NCBP1: variants seen among roughly 807,000 people sequenced by gnomAD.
NCBP1 encodes the protein nuclear cap-binding protein subunit 1.
A neutral mutation model predicts 111.7 loss-of-function variants in NCBP1; 16 were observed. The observed-to-expected ratio is 0.14, with a 90% confidence interval of 0.10 to 0.22. NCBP1 has a LOEUF of 0.22. NCBP1 is among the 10% of genes least tolerant of loss of function. The pLI is 1.00. For missense variants in NCBP1, 607 were observed against 957.5 expected (o/e 0.63, Z 4.83); for synonymous variants, 304 against 314.3 (o/e 0.97, Z 0.35).
chr9:97,657,961 A>T (rs1389044526), intron 14 of NCBP1, among the ~76,000 whole-genome samples: 2 of 131,418 alleles, frequency 1.5e-5, no homozygotes, highest in East Asian at 4.4e-4. Context: ...CCAGCCATTC[A>T]TTGAGCATTC....
chr9:97,634,026 G>T, intron 1 of NCBP1, 111 bp downstream of exon 1: 1 of 1,308,844 alleles, frequency 7.6e-7, no homozygotes, highest in South Asian at 1.5e-5. Flanking sequence ...GGAACGTGCG[G>T]GGAGCCGCGG....
intron 15 of NCBP1, among the ~76,000 whole-genome samples, chr9:97,659,984 A>C (rs758906668): frequency 5.3e-5 from 8 of 152,122 alleles, no homozygotes; most frequent in Non-Finnish European, 7.4e-5. Flanking sequence ...TTCTAGCTCC[A>C]CTTCCTTTTC....
At position 97,672,809 on chromosome 9, in the gene NCBP1, A is replaced by C. The variant is rs1004940647; in HGVS notation, c.*1610A>C. Reference sequence around the variant, plus strand: ...AAATATATTTTTTTCTTATGATTTTATTTTCTTTTCTCTAGCTTCATAAGA... The same window carrying C: ...AAATATATTTTTTTCTTATGATTTTCTTTTCTTTTCTCTAGCTTCATAAGA... On this transcript the variant is annotated 3_prime_UTR_variant, in exon 23 of 23. Transcript: ENST00000375147. 2.3e-4 allele frequency: 34 copies of C among 145,370 alleles called. No individual in the cohort carries two copies. The South Asian group carries it at 5.8e-3, about 25-fold the overall frequency. The allele number at this position is 145,370 out of a possible 1,614,324, so 9.0% of individuals were successfully genotyped here.
chr9:97,642,062 C>T (rs542749616), intron 3 of NCBP1, among the ~76,000 whole-genome samples: 2 of 152,046 alleles, frequency 1.3e-5, no homozygotes, highest in South Asian at 4.1e-4. Flanking sequence ...CTTTGGAAGC[C>T]ACTGTTAATA....
chr9:97,661,957 G>A lies in NCBP1; in HGVS notation c.1601-85G>A, dbSNP rs557488353. On this transcript the variant is annotated intron_variant, in intron 16 of 22. Transcript: ENST00000375147. Reference sequence around the variant, plus strand: ...CACAAATATCTGTGTATAGATGTGAGCAACCATCTATTTAGCATTTGAGGT... The same window carrying A: ...CACAAATATCTGTGTATAGATGTGAACAACCATCTATTTAGCATTTGAGGT... 4.5e-6 allele frequency: 4 copies of A among 889,762 alleles called. No individual in the cohort carries two copies. The African/African-American group carries it at 5.0e-5, about 11-fold the overall frequency. The allele number at this position is 889,762 out of a possible 1,614,324, so 55.1% of individuals were successfully genotyped here.
rs1166297551 is a variant in NCBP1 at position 97,664,344 on chromosome 9, T to C, written c.1802T>C (p.Ile601Thr). ...FEVWRNHPQM[I>T]AVLVDKMIRT... Reference sequence around the variant, plus strand: ...TGAATAATTCTCTCATTGTAGATGATTGCTGTACTAGTGGATAAGATGATT... The same window carrying C: ...TGAATAATTCTCTCATTGTAGATGACTGCTGTACTAGTGGATAAGATGATT... Residue 601 changes from isoleucine (I) to threonine (T), a missense_variant, in exon 19 of 23, where the codon ATT becomes ACT. Coordinates refer to ENST00000375147, the MANE Select transcript of NCBP1 (RefSeq NM_002486.5). The C allele has an allele frequency of 8.8e-6, 14 of 1,599,882 alleles. No individual in the cohort carries two copies. Among genetic ancestry groups the C allele is most frequent in the African/African-American group, 1.3e-5 (1 of 74,782 alleles).
chr9:97,663,010 T>A lies in NCBP1; in HGVS notation c.1760T>A (p.Leu587Gln). 1 of 1,613,202 alleles carries A rather than the reference T, an allele frequency of 6.2e-7. No individual in the cohort carries two copies. The highest frequency in any genetic ancestry group is 8.5e-7 in the Non-Finnish European group (1 of 1,179,636). The change falls in exon 18 of 23, where the codon CTA becomes CAA. Residue 587 changes from leucine to glutamine, a missense_variant. By Grantham distance (113) the Leu-to-Gln change is moderately radical. This residue lies in a region of NCBP1 where 282 missense variants were observed against 376.5 expected (regional missense o/e 0.75). Transcript: ENST00000375147. Reference protein sequence around the residue: ...AESDEGKLHVLRVMFEVWRNH... With the variant: ...AESDEGKLHVQRVMFEVWRNH... The stretch of plus-strand genomic sequence containing the variant: ...AGTGATGAAGGAAAGTTACATGTGC[T>A]AAGAGTTATGTTTGAGGTCTGGAGG...
At chr9:97,649,813 T>C (rs1827449408) in intron 8 of NCBP1, among the ~76,000 whole-genome samples, 1 of 151,944 alleles carries the variant, frequency 6.6e-6, no homozygotes, top group Admixed American at 6.6e-5. Context: ...ATTTAATTGG[T>C]ATCACCTCTG....
At chr9:97,670,540 G>A (rs551682454) in intron 22 of NCBP1, among the ~76,000 whole-genome samples, 12 of 152,120 alleles carry the variant, frequency 7.9e-5, no homozygotes, top group African/African-American at 2.9e-4. Flanking sequence ...GTCACTCTAA[G>A]TTCAATTCTT....
chr9:97,661,325 A>G (rs1004225332), intron 16 of NCBP1, among the ~76,000 whole-genome samples: 8 of 152,168 alleles, frequency 5.3e-5, no homozygotes, highest in African/African-American at 1.9e-4. Flanking sequence ...AGGATTTTTA[A>G]CCCCTGCTTT....
intron 8 of NCBP1, among the ~76,000 whole-genome samples, chr9:97,648,498 T>A (rs939508120): frequency 6.6e-6 from 1 of 152,126 alleles, no homozygotes; most frequent in Non-Finnish European, 1.5e-5. Context: ...TTGGTTTGTG[T>A]TTTAATCTTG....
intron 8 of NCBP1, 43 bp downstream of exon 8, chr9:97,648,266 A>T: frequency 1.9e-6 from 3 of 1,575,704 alleles, no homozygotes; most frequent in Non-Finnish European, 2.6e-6. Flanking sequence ...CCTGTGTTGC[A>T]TTGTGCTTGT....
chr9:97,666,967 AT>A (rs1376107542), intron 20 of NCBP1, 90 bp downstream of exon 20: 3 of 993,162 alleles, frequency 3.0e-6, no homozygotes, highest in Non-Finnish European at 4.3e-6. Flanking sequence ...ATGATATTTC[AT>A]TTTTTCTGAG....
At chr9:97,638,928 T>A (rs551124627) in intron 1 of NCBP1, among the ~76,000 whole-genome samples, 1 of 152,306 alleles carries the variant, frequency 6.6e-6, no homozygotes, top group South Asian at 2.1e-4. Flanking sequence ...AGCTGGCAGC[T>A]TGCGTAAATA....
chr9:97,664,577 G>A lies in NCBP1; in HGVS notation c.1901+134G>A. 3 of 581,614 alleles carry A rather than the reference G, an allele frequency of 5.2e-6. No homozygotes were observed. In the East Asian group the frequency reaches 8.6e-5, roughly 17 times the overall value. The allele number at this position is 581,614 out of a possible 1,614,324, so 36.0% of individuals were successfully genotyped here. A position where few individuals can be genotyped will look rare whatever the true frequency, so the allele number is the denominator to read the frequency against. On this transcript the variant is annotated intron_variant, in intron 19 of 22. Transcript: ENST00000375147. ...CTAATGGTCCAATCTGGTAGGATTGGACATGGCAAAAATTCCTAGACAGTG... is the reference window on the plus strand; with the variant it reads ...CTAATGGTCCAATCTGGTAGGATTGAACATGGCAAAAATTCCTAGACAGTG...
intron 1 of NCBP1, among the ~76,000 whole-genome samples, chr9:97,638,830 T>A (rs1438564972): frequency 6.6e-6 from 1 of 152,146 alleles, no homozygotes; most frequent in Non-Finnish European, 1.5e-5. Context: ...ACTAAAAATG[T>A]CTCCAAGGTT....
At chr9:97,659,355 A>G (rs1203347646) in intron 15 of NCBP1, among the ~76,000 whole-genome samples, 1 of 152,056 alleles carries the variant, frequency 6.6e-6, no homozygotes, top group African/African-American at 2.4e-5. Flanking sequence ...TGATCCTTCC[A>G]TTTTGTGTTG....
At position 97,654,939 on chromosome 9, in the gene NCBP1, A is replaced by T. The variant is rs1827607641; in HGVS notation, c.1230A>T (p.Val410=). The T allele has an allele frequency of 1.3e-6, 2 of 1,598,306 alleles. No individual in the cohort carries two copies. Among genetic ancestry groups the T allele is most frequent in the Non-Finnish European group, 1.7e-6 (2 of 1,173,488 alleles). ...MRLDTMNTTC[V]DRFINWFSHH... is the part of the protein sequence containing the mutation. Reference sequence around the variant, plus strand: ...TGGACACAATGAACACTACCTGTGTAGACAGGTACAGTAATCGCTTTACTG... The same window carrying T: ...TGGACACAATGAACACTACCTGTGTTGACAGGTACAGTAATCGCTTTACTG... The change falls in exon 12 of 23, where the codon GTA becomes GTT. Residue 410 remains valine (V), a synonymous_variant. Transcript: ENST00000375147.
chr9:97,655,016 A>T (rs2131349007), intron 12 of NCBP1, 72 bp downstream of exon 12: 1 of 1,251,474 alleles, frequency 8.0e-7, no homozygotes, highest in Non-Finnish European at 1.1e-6. Context: ...GGAATTTGAG[A>T]AAGACATTTT....
Sources: allele counts gnomAD v4.1 joint callset (sites outside exome capture counted in the v4.1 genomes callset), GRCh38; gene constraint gnomAD v4.1.1; regional missense constraint gnomAD v4.1.1; transcripts MANE v1.5; gene names NCBI Gene and HGNC (gene_info 2026-07-23, HGNC 2026-07-21).